MYLK3: variants seen among roughly 807,000 people sequenced by gnomAD.
MYLK3 encodes myosin light chain kinase 3.
In MYLK3, 55 loss-of-function variants were observed where a neutral mutation model predicts 76.3. The observed-to-expected ratio is 0.72, with a 90% CI of 0.58 to 0.90. The LOEUF (loss-of-function observed/expected upper bound fraction) is 0.90. Among genes scored for constraint, MYLK3 ranks in the 40% least tolerant of loss-of-function variants. MYLK3 has a pLI of 0.00. For missense variants in MYLK3, 973 were observed against 1,053.6 expected (o/e 0.92, Z 1.06); for synonymous variants, 416 against 425.4 (o/e 0.98, Z 0.27).
chr16:46,748,824 T>C (rs1417979114), upstream of MYLK3, among the ~76,000 whole-genome samples: 2 of 152,182 alleles, frequency 1.3e-5, no homozygotes, highest in Non-Finnish European at 2.9e-5. The surrounding 1 kb of genome is among the most constrained non-coding windows in gnomAD (Gnocchi z 4.3). Context: ...TCAGAACATG[T>C]GTTTAGACTG....
chr16:46,756,869 T>C (rs1168659617), intron 1 of MYLK3, among the ~76,000 whole-genome samples: 1 of 152,114 alleles, frequency 6.6e-6, no homozygotes, highest in Non-Finnish European at 1.5e-5. Context: ...ATGGCAGCGA[T>C]TGGAACGGCC....
rs746531286 is a variant in MYLK3 at position 46,732,255 on chromosome 16, G to T, written c.1415C>A (p.Ala472Glu). The T allele has an allele frequency of 1.2e-6, 2 of 1,602,444 alleles. No individual in the cohort carries two copies. The highest frequency in any genetic ancestry group is 1.7e-6 in the Non-Finnish European group (2 of 1,178,392). ...CAARAPVRAE[A>E]VRRMPPGAEA... ...GGCGCCTGGGGGCATCCTCCTTACT[G>T]CTTCAGCTCTCACCGGAGCCCTGGC... The change falls in exon 4 of 13, where the codon GCA becomes GAA. Residue 472 changes from alanine (A) to glutamate (E), a missense_variant. Ala to Glu is a moderately radical substitution (Grantham distance 107). Around this residue, in one of 2 missense-constraint regions of MYLK3, gnomAD observed 641 missense variants for 637.0 expected, o/e 1.01. Coordinates refer to ENST00000394809, the MANE Select transcript of MYLK3 (RefSeq NM_182493.3).
chr16:46,751,391 A>G (rs1967122557), upstream of MYLK3, among the ~76,000 whole-genome samples: 1 of 152,190 alleles, frequency 6.6e-6, no homozygotes, highest in African/African-American at 2.4e-5. Context: ...TGGGTGACAG[A>G]GCAAGACTCT....
Position 46,748,245 on chromosome 16 carries a change from C to T in MYLK3, c.-52G>A. On this transcript the variant is annotated 5_prime_UTR_variant, in exon 1 of 13. Transcript: ENST00000394809. The surrounding 1 kb of genome is among the most constrained non-coding windows in gnomAD (Gnocchi z 4.3). ...AGCGGGGAATGAGGAGAGGCACAGA[C>T]CCCTGGTTCTCACTCAGGCGGTGGT... 1 of 1,556,276 alleles carries T rather than the reference C, an allele frequency of 6.4e-7. No individual in the cohort carries two copies. The highest frequency in any genetic ancestry group is 8.7e-7 in the Non-Finnish European group (1 of 1,152,026).
chr16:46,721,564 C>T (rs1019514194), intron 8 of MYLK3, among the ~76,000 whole-genome samples: 2 of 152,102 alleles, frequency 1.3e-5, no homozygotes, highest in South Asian at 2.1e-4. Flanking sequence ...GATGGGGTCT[C>T]GCCATGTTGC....
intron 1 of MYLK3, among the ~76,000 whole-genome samples, chr16:46,759,284 A>G (rs1967245306): frequency 1.3e-5 from 2 of 152,244 alleles, no homozygotes; most frequent in African/African-American, 4.8e-5. Flanking sequence ...CAGCCTGAAA[A>G]TGCTAGAGAA....
intron 1 of MYLK3, among the ~76,000 whole-genome samples, chr16:46,758,304 A>ACACACTCTCT (rs1567294867): frequency 1.1e-5 from 1 of 87,266 alleles, no homozygotes; most frequent in African/African-American, 4.7e-5. Context: ...ACACACACAC[A>ACACACTCTCT]CTCTCTCTCT....
upstream of MYLK3, among the ~76,000 whole-genome samples, chr16:46,750,050 G>C (rs1407075321): frequency 6.6e-6 from 1 of 152,228 alleles, no homozygotes; most frequent in African/African-American, 2.4e-5. Flanking sequence ...GGGTAACCCT[G>C]TGTTCCAGTC....
At chr16:46,720,918 G>T (rs1966792674) in intron 9 of MYLK3, among the ~76,000 whole-genome samples, 1 of 152,130 alleles carries the variant, frequency 6.6e-6, no homozygotes, top group African/African-American at 2.4e-5. Context: ...CTTTTAGGAA[G>T]AAGCAGAGCC....
In MYLK3 at chr16:46,712,783, A is replaced by G. The variant is rs749163630; in HGVS notation, c.1986-7T>C. The G allele has an allele frequency of 6.3e-7, 1 of 1,583,682 alleles. No homozygotes were observed. The highest frequency in any genetic ancestry group is 8.6e-7 in the Non-Finnish European group (1 of 1,165,708). On this transcript the variant is annotated splice_region_variant and splice_polypyrimidine_tract_variant and intron_variant, in intron 9 of 12. Transcript: ENST00000394809. Reference sequence around the variant, plus strand: ...CTTCTCTCGAGGCTTGTACCTGGGGAGAAGGGGAGGGTACAAAGAAGCATG... The same window carrying G: ...CTTCTCTCGAGGCTTGTACCTGGGGGGAAGGGGAGGGTACAAAGAAGCATG...
chr16:46,746,176 T>A (rs1967017344), intron 1 of MYLK3, among the ~76,000 whole-genome samples: 2 of 152,064 alleles, frequency 1.3e-5, no homozygotes, highest in Admixed American at 6.5e-5. Flanking sequence ...CACCCTCCCA[T>A]ACACTTTAAA....
At position 46,746,428 on chromosome 16, in the gene MYLK3, A is replaced by T. The variant is rs192993729; in HGVS notation, c.477+1289T>A. On this transcript the variant is annotated intron_variant, in intron 1 of 12. Transcript: ENST00000394809. ...GACTATAATTAAATTAAATTTCTTT[A>T]TTTTTTTTAAGAGACAGGGCCTCAC... Among the ~76,000 whole-genome samples the T allele has an allele frequency of 1.4e-3, 209 of 151,898 alleles. 1 individual carries two copies. The East Asian group carries it at 0.034, about 25-fold the overall frequency.
At chr16:46,756,598 T>C (rs1161141242) in intron 1 of MYLK3, among the ~76,000 whole-genome samples, 1 of 152,236 alleles carries the variant, frequency 6.6e-6, no homozygotes, top group Non-Finnish European at 1.5e-5. Context: ...TTGCAGCGTG[T>C]AGCAGTGAAA....
chr16:46,748,872 C>A (rs1374162500), upstream of MYLK3, among the ~76,000 whole-genome samples: 17 of 152,214 alleles, frequency 1.1e-4, no homozygotes, highest in Non-Finnish European at 1.9e-4. The surrounding 1 kb of genome is among the most constrained non-coding windows in gnomAD (Gnocchi z 4.3). Flanking sequence ...CCACCGGAGC[C>A]CTCAGTGACT....
intron 1 of MYLK3, among the ~76,000 whole-genome samples, chr16:46,743,788 G>C (rs781460041): frequency 1.3e-5 from 2 of 152,136 alleles, no homozygotes; most frequent in African/African-American, 2.4e-5. Flanking sequence ...AGGAAAGAGG[G>C]GGAAAAGATA....
rs767335669 is a variant in MYLK3 at position 46,730,621 on chromosome 16, C to T, written c.1540G>A (p.Glu514Lys). 10 of 1,613,978 alleles carry T rather than the reference C, an allele frequency of 6.2e-6. No individual in the cohort carries two copies. The South Asian group carries it at 9.9e-5, about 16-fold the overall frequency. ...CCCAAGACTTCGTGCTGGCACACCT[C>T]GTAACCCGCAGAGATGGAGGTCTCC... is the stretch of plus-strand genomic sequence containing the variant. Reference protein sequence around the residue: ...VKETSISAGYEVCQHEVLGGG... With the variant: ...VKETSISAGYKVCQHEVLGGG... Residue 514 changes from glutamate to lysine, a missense_variant, in exon 5 of 13, where the codon GAG becomes AAG. This residue lies in a region of MYLK3 where 332 missense variants were observed against 416.6 expected (regional missense o/e 0.80). Coordinates refer to ENST00000394809, the MANE Select transcript of MYLK3 (RefSeq NM_182493.3).
At chr16:46,709,806 A>C in intron 11 of MYLK3, 135 bp from the exon 12 acceptor site, 1 of 1,033,628 alleles carries the variant, frequency 9.7e-7, no homozygotes, top group South Asian at 1.7e-5. Flanking sequence ...ATGTACCAAA[A>C]AGGGAACTCC....
At chr16:46,746,191 C>T (rs937686808) in intron 1 of MYLK3, among the ~76,000 whole-genome samples, 1 of 151,976 alleles carries the variant, frequency 6.6e-6, no homozygotes, top group Non-Finnish European at 1.5e-5. Flanking sequence ...TTTAAATCAC[C>T]TCTAGATTAC....
At chr16:46,753,618 G>A (rs1041138301) in intron 1 of MYLK3, among the ~76,000 whole-genome samples, 1 of 152,238 alleles carries the variant, frequency 6.6e-6, no homozygotes, top group African/African-American at 2.4e-5. Context: ...GTTTCAAAAA[G>A]GCTGTCATTT....
Sources: gnomAD v4.1 joint callset for allele counts (sites outside exome capture counted in the v4.1 genomes callset) on GRCh38, gnomAD v4.1.1 for gene constraint, gnomAD v4.1.1 regional missense constraint, Gnocchi (gnomAD v3.1) non-coding constraint, MANE v1.5 for transcripts, NCBI Gene and HGNC (gene_info 2026-07-23, HGNC 2026-07-21) for gene names.